The following PALM2AKAP2 variants were observed in gnomAD, a reference collection of about 807,000 sequenced individuals.
The protein encoded by PALM2AKAP2 is PALM2 and AKAP2 fusion.
A neutral mutation model predicts 71.5 loss-of-function variants in PALM2AKAP2; 37 were observed. The ratio of observed to expected loss-of-function variants is 0.52; its 90% CI spans 0.40 to 0.68. PALM2AKAP2 has a LOEUF of 0.68. PALM2AKAP2 is among the 30% of genes least tolerant of loss of function. The pLI is 0.00. For synonymous variants in PALM2AKAP2, 468 were observed against 478.8 expected (o/e 0.98, Z 0.29); for missense variants, 1,224 against 1,191.8 (o/e 1.03, Z -0.40).
chr9:110,137,586 A>G lies in PALM2AKAP2; in HGVS notation c.1616A>G (p.Asp539Gly), dbSNP rs1348989438. Residue 539 changes from aspartate (D) to glycine (G), a missense_variant, in exon 2 of 4, where the codon GAT (aspartate) becomes GGT (glycine). Coordinates refer to ENST00000374525, the Ensembl canonical transcript of PALM2AKAP2. ...GCTGTCCTCACTGTGGTCAAGGATG[A>G]TGACCATGGGATTTTGGATCAGTTC... The G allele has an allele frequency of 5.0e-6, 8 of 1,614,086 alleles. No individual in the cohort carries two copies. The African/African-American group carries it at 9.3e-5, about 19-fold the overall frequency.
At chr9:110,134,309 A>C (rs1051460846) in intron 1 of PALM2AKAP2, among the ~76,000 whole-genome samples, 2 of 152,096 alleles carry the variant, frequency 1.3e-5, no homozygotes, top group African/African-American at 4.8e-5. Context: ...GGTGGCAAAA[A>C]CTACTATTTA....
At chr9:109,780,202 C>A, upstream of PALM2AKAP2, 2 of 902,860 alleles carry the variant, frequency 2.2e-6, no homozygotes, top group Non-Finnish European at 1.3e-6. Context: ...GCCGGCGTCC[C>A]ACGTCCTCGG....
rs560645589 is a variant in PALM2AKAP2 at position 109,957,629 on chromosome 9, G to A, written c.496+25601G>A. Among the ~76,000 whole-genome samples the A allele has an allele frequency of 5.9e-5, 9 of 152,296 alleles. No homozygotes were observed. The South Asian group carries it at 1.7e-3, about 28-fold the overall frequency. ...GCTGAGATGCATTCCCACCTGCAGG[G>A]TGAACTGAACTTTTAAGAAGCCTAT... On this transcript the variant is annotated intron_variant, in intron 6 of 9. Coordinates refer to the PALM2AKAP2 transcript ENST00000302798.
chr9:109,685,801 T>C (rs1827798625), intron 1 of PALM2AKAP2, among the ~76,000 whole-genome samples: 1 of 152,206 alleles, frequency 6.6e-6, no homozygotes. Context: ...GTTTGCTGCA[T>C]TGATGGACTT....
intron 3 of PALM2AKAP2, among the ~76,000 whole-genome samples, chr9:109,884,211 C>T (rs1158533105): frequency 1.3e-5 from 2 of 152,152 alleles, no homozygotes; most frequent in Non-Finnish European, 2.9e-5. Flanking sequence ...CCTGTAATCC[C>T]AGCACTTAGG....
At position 110,023,044 on chromosome 9, in the gene PALM2AKAP2, T is replaced by C. The variant is rs558941716; in HGVS notation, c.582+7005T>C. The stretch of plus-strand genomic sequence containing the variant: ...AATAGTGCCACAATAAACATACGTG[T>C]GCATGTGTCTTTATAGCAGCATGAT... On this transcript the variant is annotated intron_variant, in intron 7 of 9. Coordinates refer to the PALM2AKAP2 transcript ENST00000302798. 2.4e-4 allele frequency among the ~76,000 whole-genome samples: 36 copies of C among 152,210 alleles called. No individual in the cohort carries two copies. In the East Asian group the frequency reaches 6.7e-3, roughly 29 times the overall value.
At chr9:109,775,927 G>A (rs1829342648), upstream of PALM2AKAP2, among the ~76,000 whole-genome samples, 3 of 152,156 alleles carry the variant, frequency 2.0e-5, no homozygotes, top group Non-Finnish European at 4.4e-5. Context: ...ATAATGCTTT[G>A]CAATGAAGCA....
chr9:109,904,320 G>A (rs899152777), intron 3 of PALM2AKAP2, among the ~76,000 whole-genome samples: 1 of 152,038 alleles, frequency 6.6e-6, no homozygotes, highest in Admixed American at 6.6e-5. Flanking sequence ...TATAACATGG[G>A]AATAAAATAA....
intron 1 of PALM2AKAP2, among the ~76,000 whole-genome samples, chr9:110,112,636 G>A (rs895348877): frequency 6.6e-6 from 1 of 152,214 alleles, no homozygotes; most frequent in East Asian, 1.9e-4. Flanking sequence ...GAATCTTGAA[G>A]CCGGTCTTCC....
At chr9:109,953,142 A>G (rs1831675054) in intron 6 of PALM2AKAP2, among the ~76,000 whole-genome samples, 1 of 152,152 alleles carries the variant, frequency 6.6e-6, no homozygotes, top group Non-Finnish European at 1.5e-5. Context: ...CATAATATTG[A>G]CTATTGACAG....
intron 1 of PALM2AKAP2, among the ~76,000 whole-genome samples, chr9:109,797,917 G>T (rs1243732735): frequency 6.6e-6 from 1 of 152,122 alleles, no homozygotes; most frequent in Non-Finnish European, 1.5e-5. Context: ...TGTTATAAAG[G>T]TTCTGTATTA....
At chr9:110,048,676 C>T, upstream of PALM2AKAP2, 1 of 1,511,846 alleles carries the variant, frequency 6.6e-7, no homozygotes, top group South Asian at 1.2e-5. Flanking sequence ...CTCCAGCGCG[C>T]CCGGAGGCTA....
chr9:109,856,139 A>G (rs1829157884), intron 1 of PALM2AKAP2, among the ~76,000 whole-genome samples: 1 of 152,192 alleles, frequency 6.6e-6, no homozygotes, highest in African/African-American at 2.4e-5. Context: ...ATTTGTCCCT[A>G]TTAGAGTTTT....
At chr9:109,764,173 T>G (rs1301955023) in intron 1 of PALM2AKAP2, among the ~76,000 whole-genome samples, 1 of 152,080 alleles carries the variant, frequency 6.6e-6, no homozygotes, top group African/African-American at 2.4e-5. Flanking sequence ...CAGTAAAGTA[T>G]CCCCAGTGAG....
At chr9:110,050,630 T>TTTTC (rs1564279279) in intron 1 of PALM2AKAP2, among the ~76,000 whole-genome samples, 105 of 150,704 alleles carry the variant, frequency 7.0e-4, no homozygotes, top group African/African-American at 2.4e-3. Flanking sequence ...CTTTTCTTTT[T>TTTTC]TTTTCTTTTC....
chr9:109,912,141 G>A (rs558271690), intron 3 of PALM2AKAP2, among the ~76,000 whole-genome samples: 3 of 152,118 alleles, frequency 2.0e-5, no homozygotes, highest in Non-Finnish European at 4.4e-5. Context: ...GGCTGGAAAG[G>A]GGTGGGAGCA....
At chr9:109,651,628 A>G (rs1827226794) in intron 1 of PALM2AKAP2, among the ~76,000 whole-genome samples, 1 of 152,178 alleles carries the variant, frequency 6.6e-6, no homozygotes, top group African/African-American at 2.4e-5. Context: ...CTGTTTGTTC[A>G]TACATTCTGG....
chr9:109,794,402 G>GTTT (rs1438591523), intron 1 of PALM2AKAP2, among the ~76,000 whole-genome samples: 3 of 43,926 alleles, frequency 6.8e-5, no homozygotes, highest in African/African-American at 2.5e-4. Context: ...TTTTCCAGGT[G>GTTT]TATTTTTTTT....
At chr9:110,106,242 G>A (rs60816140) in intron 1 of PALM2AKAP2, among the ~76,000 whole-genome samples, 4,501 of 152,272 alleles carry the variant, frequency 0.03, 213 homozygotes, top group African/African-American at 0.1. Flanking sequence ...ACCCAGGATG[G>A]TCACAGCTTC....
Sources: gnomAD v4.1 joint callset for allele counts (sites outside exome capture counted in the v4.1 genomes callset) on GRCh38, gnomAD v4.1.1 for gene constraint, MANE v1.5 for transcripts, NCBI Gene and HGNC (gene_info 2026-07-23, HGNC 2026-07-21) for gene names.